LURAP1L: variants seen among roughly 807,000 people sequenced by gnomAD.
The protein encoded by LURAP1L is leucine rich adaptor protein 1 like, also known as leucine rich adaptor protein 1-like.
In LURAP1L, 12 loss-of-function variants were observed where a neutral mutation model predicts 13.8. The ratio of observed to expected loss-of-function variants is 0.87; its 90% confidence interval spans 0.56 to 1.41. The LOEUF is 1.41. Ranked by LOEUF, LURAP1L falls within the 40% of genes most tolerant of loss-of-function variation. The pLI is 0.00. For missense variants in LURAP1L, 375 were observed against 292.9 expected (o/e 1.28, Z -2.04); for synonymous variants, 139 against 119.2 (o/e 1.17, Z -1.08).
intron 1 of LURAP1L, among the ~76,000 whole-genome samples, chr9:12,806,796 G>C (rs1342873561): frequency 2.6e-5 from 4 of 151,552 alleles, no homozygotes; most frequent in Non-Finnish European, 4.4e-5. Flanking sequence ...TTCTTCATTT[G>C]AGGTGACAGT....
At position 12,780,236 on chromosome 9, in the gene LURAP1L, C is replaced by A. The variant is rs138915336; in HGVS notation, c.312+4209C>A. ...TACTTTCAAATTGCTGTTTTTCCAACAGGAACTCAGTTATCCTCTTCTTCT... is the reference window on the plus strand; with the variant it reads ...TACTTTCAAATTGCTGTTTTTCCAAAAGGAACTCAGTTATCCTCTTCTTCT... On this transcript the variant is annotated intron_variant, in intron 1 of 1. Transcript: ENST00000319264. Among the ~76,000 whole-genome samples, 5 of 152,316 alleles carry A rather than the reference C, an allele frequency of 3.3e-5. No individual in the cohort carries two copies. In the East Asian group the frequency reaches 9.6e-4, roughly 29 times the overall value.
intron 1 of LURAP1L, among the ~76,000 whole-genome samples, chr9:12,792,417 T>C (rs1184224466): frequency 2.0e-5 from 3 of 152,164 alleles, no homozygotes; most frequent in Non-Finnish European, 4.4e-5. Context: ...CAAAGCACTT[T>C]GATGTGTGCC....
At chr9:12,786,582 A>ATATATAT (rs55704493) in intron 1 of LURAP1L, among the ~76,000 whole-genome samples, 96 of 113,510 alleles carry the variant, frequency 8.5e-4, no homozygotes, top group Middle Eastern at 4.5e-3. Flanking sequence ...ATATATATAT[A>ATATATAT]AACCCTTGTG....
At chr9:12,798,763 T>C (rs1819544727) in intron 1 of LURAP1L, among the ~76,000 whole-genome samples, 1 of 152,182 alleles carries the variant, frequency 6.6e-6, no homozygotes, top group African/African-American at 2.4e-5. Flanking sequence ...ATCAGAAATA[T>C]TTTTTTGAAT....
chr9:12,792,346 T>C (rs1819451576), intron 1 of LURAP1L, among the ~76,000 whole-genome samples: 2 of 151,126 alleles, frequency 1.3e-5, no homozygotes, highest in Admixed American at 6.6e-5. Flanking sequence ...CACTTTTGTC[T>C]AAAAAAAAAG....
chr9:12,779,169 A>G (rs115586106), intron 1 of LURAP1L, among the ~76,000 whole-genome samples: 1 of 151,986 alleles, frequency 6.6e-6, no homozygotes, highest in Non-Finnish European at 1.5e-5. Context: ...ATAAGGGTGT[A>G]CTACTACATT....
At chr9:12,804,310 A>C (rs1819626298) in intron 1 of LURAP1L, among the ~76,000 whole-genome samples, 1 of 151,530 alleles carries the variant, frequency 6.6e-6, no homozygotes, top group African/African-American at 2.4e-5. Flanking sequence ...AGTTCTAATA[A>C]GATTTTTGTA....
chr9:12,775,751 C>T lies in LURAP1L; in HGVS notation c.36C>T (p.Ile12=). 1 of 1,603,754 alleles carries T rather than the reference C, an allele frequency of 6.2e-7. No individual in the cohort carries two copies. Among genetic ancestry groups the T allele is most frequent in the Non-Finnish European group, 8.5e-7 (1 of 1,176,732 alleles). ...EDSPLPDLRD[I]ELKLGRKVPE... ...GCCCGCTGCCAGACCTCAGAGACAT[C>T]GAGCTGAAGCTGGGGCGCAAAGTAC... is the stretch of plus-strand genomic sequence containing the variant. The change falls in exon 1 of 2, where the codon ATC becomes ATT. Residue 12 remains isoleucine, a synonymous_variant. Transcript: ENST00000319264.
intron 1 of LURAP1L, among the ~76,000 whole-genome samples, chr9:12,802,905 G>A (rs1463590049): frequency 6.6e-6 from 1 of 152,116 alleles, no homozygotes; most frequent in African/African-American, 2.4e-5. Context: ...CTGAGCCTTT[G>A]CTTATTTCTC....
At chr9:12,783,494 T>A (rs1819303655) in intron 1 of LURAP1L, among the ~76,000 whole-genome samples, 2 of 152,240 alleles carry the variant, frequency 1.3e-5, no homozygotes, top group African/African-American at 4.8e-5. Context: ...ATTGATATGA[T>A]GTATCACATT....
At chr9:12,797,415 G>A (rs978181061) in intron 1 of LURAP1L, among the ~76,000 whole-genome samples, 3 of 152,062 alleles carry the variant, frequency 2.0e-5, no homozygotes, top group Non-Finnish European at 4.4e-5. Context: ...CCAAGTTTTA[G>A]CTGTCTAAAA....
chr9:12,805,321 C>T (rs1402750184), intron 1 of LURAP1L, among the ~76,000 whole-genome samples: 1 of 152,006 alleles, frequency 6.6e-6, no homozygotes, highest in African/African-American at 2.4e-5. Flanking sequence ...ACTGAAGACA[C>T]ATTGTAATTT....
At chr9:12,817,811 T>C (rs936488139) in intron 1 of LURAP1L, among the ~76,000 whole-genome samples, 1 of 152,116 alleles carries the variant, frequency 6.6e-6, no homozygotes, top group Non-Finnish European at 1.5e-5. Flanking sequence ...ATTTAGTTGT[T>C]TGGTGAATTG....
intron 1 of LURAP1L, among the ~76,000 whole-genome samples, chr9:12,806,222 CA>C (rs1819654385): frequency 6.6e-6 from 1 of 152,080 alleles, no homozygotes; most frequent in Admixed American, 6.5e-5. Context: ...AGAGAACCAG[CA>C]AGATGGTACA....
rs937437505 is a variant in LURAP1L at position 12,775,127 on chromosome 9, A to C, written c.-589A>C. ...CTAGCTCTTTTTTATGGGTCCATGCACACGACCGAACTCCTCTTTCACTGA... is the reference window on the plus strand; with the variant it reads ...CTAGCTCTTTTTTATGGGTCCATGCCCACGACCGAACTCCTCTTTCACTGA... On this transcript the variant is annotated 5_prime_UTR_variant, in exon 1 of 2. Transcript: ENST00000319264. The C allele has an allele frequency of 6.6e-6, 1 of 152,218 alleles. No homozygotes were observed. Among genetic ancestry groups the C allele is most frequent in the Non-Finnish European group, 1.5e-5 (1 of 68,066 alleles). The allele number at this position is 152,218 out of a possible 1,614,324, so 9.4% of individuals were successfully genotyped here. A position where few individuals can be genotyped will look rare whatever the true frequency, so the allele number is the denominator to read the frequency against.
rs1414645749 is a variant in LURAP1L at position 12,775,189 on chromosome 9, A to G, written c.-527A>G. The G allele has an allele frequency of 6.6e-6, 1 of 152,358 alleles. No homozygotes were observed. The highest frequency in any genetic ancestry group is 2.4e-5 in the African/African-American group (1 of 41,428). The allele number at this position is 152,358 out of a possible 1,614,324, so 9.4% of individuals were successfully genotyped here. On this transcript the variant is annotated 5_prime_UTR_variant, in exon 1 of 2. Transcript: ENST00000319264. ...TTCTGACAACCCAGGATATCCCGAA[A>G]GCTTGGAGGCATATGGCTGGAAAAT...
intron 1 of LURAP1L, among the ~76,000 whole-genome samples, chr9:12,802,982 T>C (rs769071374): frequency 6.6e-6 from 1 of 152,200 alleles, no homozygotes. Flanking sequence ...GACTGACAGA[T>C]GTCTTCTTTT....
intron 1 of LURAP1L, among the ~76,000 whole-genome samples, chr9:12,804,960 C>G (rs142370453): frequency 0.011 from 1,694 of 152,056 alleles, 31 homozygotes; most frequent in Non-Finnish European, 0.012. Context: ...ACCGTGACCA[C>G]CCATATAAGC....
At chr9:12,819,847 A>G (rs909240518) in intron 1 of LURAP1L, among the ~76,000 whole-genome samples, 1 of 152,018 alleles carries the variant, frequency 6.6e-6, no homozygotes, top group Non-Finnish European at 1.5e-5. Flanking sequence ...CCAGCTACTC[A>G]GGAGGCTGAG....
Sources: gnomAD v4.1 joint callset for allele counts (sites outside exome capture counted in the v4.1 genomes callset) on GRCh38, gnomAD v4.1.1 for gene constraint, MANE v1.5 for transcripts, NCBI Gene and HGNC (gene_info 2026-07-23, HGNC 2026-07-21) for gene names.